The following SAFB variants were observed in gnomAD, a reference collection of about 807,000 sequenced individuals.
The protein encoded by SAFB is scaffold attachment factor B1.
SAFB carries 15 observed loss-of-function variants against 101.6 expected under a neutral mutation model. The observed-to-expected ratio is 0.15, with a 90% CI of 0.10 to 0.23. SAFB has a LOEUF of 0.23. Ranked by LOEUF, SAFB falls within the 10% of genes least tolerant of loss-of-function variation. The pLI is 1.00. For synonymous variants in SAFB, 449 were observed against 407.5 expected (o/e 1.10, Z -1.23); for missense variants, 930 against 1,104.1 (o/e 0.84, Z 2.23).
At chr19:5,661,308 C>T (rs2054196051) in intron 14 of SAFB, among the ~76,000 whole-genome samples, 1 of 151,812 alleles carries the variant, frequency 6.6e-6, no homozygotes, top group Non-Finnish European at 1.5e-5. Flanking sequence ...TCTGATCACA[C>T]ACACACAGCC....
At chr19:5,666,983 A>G in intron 17 of SAFB, 63 bp from the exon 18 acceptor site, 3 of 995,730 alleles carry the variant, frequency 3.0e-6, no homozygotes, top group Non-Finnish European at 4.9e-6. Flanking sequence ...TTGCCTGAAA[A>G]GCCTTGGGGT....
At chr19:5,652,873 T>G (rs1445892641) in intron 9 of SAFB, among the ~76,000 whole-genome samples, 2 of 152,212 alleles carry the variant, frequency 1.3e-5, no homozygotes, top group Non-Finnish European at 2.9e-5. Context: ...CTGTTTGATT[T>G]CCCTTTCGTC....
intron 2 of SAFB, among the ~76,000 whole-genome samples, chr19:5,627,915 T>C (rs559216388): frequency 6.6e-6 from 1 of 152,270 alleles, no homozygotes; most frequent in East Asian, 1.9e-4. Context: ...TCTTTCCCCT[T>C]CAATGGTTTA....
chr19:5,667,710 A>G lies in SAFB; in HGVS notation c.2558-110A>G, dbSNP rs1483825706. 9.8e-7 allele frequency: 1 copy of G among 1,018,476 alleles called. No individual in the cohort carries two copies. Among genetic ancestry groups the G allele is most frequent in the East Asian group, 2.5e-5 (1 of 39,312 alleles). 63.1% of individuals were successfully genotyped at this position (1,018,476 alleles called of 1,614,324 possible). On this transcript the variant is annotated intron_variant, in intron 19 of 20. Coordinates refer to ENST00000588852, the MANE Select transcript of SAFB (RefSeq NM_001201338.2). The surrounding 1 kb of genome is among the most constrained non-coding windows in gnomAD (Gnocchi z 4.0). ...CCCAGGTGTCTTCCTGGGACCCGCTAGTTGTGGGTACCTGGGGGCCTCACC... is the reference window on the plus strand; with the variant it reads ...CCCAGGTGTCTTCCTGGGACCCGCTGGTTGTGGGTACCTGGGGGCCTCACC...
At chr19:5,623,623 C>A (rs1432569766) in intron 1 of SAFB, among the ~76,000 whole-genome samples, 1 of 152,172 alleles carries the variant, frequency 6.6e-6, no homozygotes, top group Non-Finnish European at 1.5e-5. Context: ...ACAAAAACGG[C>A]ACGCGTGCAG....
At chr19:5,657,714 G>T (rs180690454) in intron 14 of SAFB, among the ~76,000 whole-genome samples, 3 of 151,578 alleles carry the variant, frequency 2.0e-5, no homozygotes, top group Non-Finnish European at 2.9e-5. Flanking sequence ...TAGTAGAGAC[G>T]GGGTTTCACC....
At position 5,640,582 on chromosome 19, in the gene SAFB, TTTTTGTTTTG is replaced by T. The variant is rs939442960; in HGVS notation, c.275-997_275-988del. On this transcript the variant is annotated intron_variant, in intron 2 of 20. Coordinates refer to ENST00000588852, the MANE Select transcript of SAFB (RefSeq NM_001201338.2). The stretch of plus-strand genomic sequence containing the variant: ...GTTAAAAAAAAACCTTCCTCTGCAA[TTTTTGTTTTG>T]TTTTGTTTTGTTTTTGAGACAGAGT... 3.3e-5 allele frequency among the ~76,000 whole-genome samples: 5 copies of T among 152,116 alleles called. No homozygotes were observed. The East Asian group carries it at 9.7e-4, about 29-fold the overall frequency.
intron 2 of SAFB, among the ~76,000 whole-genome samples, chr19:5,637,792 G>A (rs2053625992): frequency 6.6e-6 from 1 of 152,202 alleles, no homozygotes; most frequent in African/African-American, 2.4e-5. Context: ...CTTCTATAAG[G>A]AATGCTAGGA....
At chr19:5,660,210 A>G (rs1427443324) in intron 14 of SAFB, among the ~76,000 whole-genome samples, 1 of 152,120 alleles carries the variant, frequency 6.6e-6, no homozygotes, top group Non-Finnish European at 1.5e-5. Flanking sequence ...ATTTCTGCAT[A>G]TAACCCATGT....
chr19:5,623,165 C>G lies in SAFB; in HGVS notation c.-41C>G, dbSNP rs780589814. 1.2e-5 allele frequency: 19 copies of G among 1,546,216 alleles called. No individual in the cohort carries two copies. The highest frequency in any genetic ancestry group is 5.9e-5 in the South Asian group (5 of 84,420). On this transcript the variant is annotated 5_prime_UTR_variant, in exon 1 of 21. Coordinates refer to ENST00000588852, the MANE Select transcript of SAFB (RefSeq NM_001201338.2). Reference sequence around the variant, plus strand: ...TGCTAGGAGCCTGATAAAACCGGCCCGGTTCTGTGGAAAGTGGGCGGCGGA... The same window carrying G: ...TGCTAGGAGCCTGATAAAACCGGCCGGGTTCTGTGGAAAGTGGGCGGCGGA...
intron 14 of SAFB, among the ~76,000 whole-genome samples, 198 bp downstream of exon 14, chr19:5,657,545 G>A (rs2054091574): frequency 6.6e-6 from 1 of 150,784 alleles, no homozygotes; most frequent in Non-Finnish European, 1.5e-5. Flanking sequence ...TTTTCTTTTT[G>A]GAGACAGAGT....
At chr19:5,657,151 C>T (rs958857484) in intron 13 of SAFB, 90 bp from the exon 14 acceptor site, 29 of 849,728 alleles carry the variant, frequency 3.4e-5, no homozygotes, top group African/African-American at 3.1e-4. Context: ...GTGATCCACC[C>T]GCCCTGAACT....
rs2054389216 is a variant in SAFB at position 5,668,470 on chromosome 19, T to A, written c.*179T>A. 1 of 593,758 alleles carries A rather than the reference T, an allele frequency of 1.7e-6. No individual in the cohort carries two copies. Among genetic ancestry groups the A allele is most frequent in the South Asian group, 2.4e-5 (1 of 40,904 alleles). 36.8% of individuals were successfully genotyped at this position (593,758 alleles called of 1,614,324 possible). A position where few individuals can be genotyped will look rare whatever the true frequency, so the allele number is the denominator to read the frequency against. ...TGTAATAAATGTGTTTCCGTTCACATACCCTTTATTTAAAGTGTCATTTCT... is the reference window on the plus strand; with the variant it reads ...TGTAATAAATGTGTTTCCGTTCACAAACCCTTTATTTAAAGTGTCATTTCT... On this transcript the variant is annotated 3_prime_UTR_variant, in exon 21 of 21. Transcript: ENST00000588852.
chr19:5,632,704 T>C (rs1176777890), intron 2 of SAFB, among the ~76,000 whole-genome samples: 1 of 152,200 alleles, frequency 6.6e-6, no homozygotes, highest in Admixed American at 6.5e-5. Context: ...TATACGCTTG[T>C]CAGAAATACA....
At chr19:5,655,665 G>A (rs934252504) in intron 13 of SAFB, among the ~76,000 whole-genome samples, 7 of 152,112 alleles carry the variant, frequency 4.6e-5, no homozygotes, top group Admixed American at 3.9e-4. Flanking sequence ...GCACGGAGGA[G>A]GAACCATTTC....
chr19:5,661,882 G>C, intron 15 of SAFB, 74 bp downstream of exon 15: 1 of 1,023,246 alleles, frequency 9.8e-7, no homozygotes, highest in East Asian at 2.6e-5. Flanking sequence ...CAGTTAGCTT[G>C]AGATTTTTTT....
intron 1 of SAFB, among the ~76,000 whole-genome samples, chr19:5,624,584 G>A (rs2053306220): frequency 6.6e-6 from 1 of 151,786 alleles, no homozygotes; most frequent in Non-Finnish European, 1.5e-5. Flanking sequence ...CCACCCCCCA[G>A]CCCCTGCAGG....
rs776597146 is a variant in SAFB at position 5,667,542 on chromosome 19, G to T, written c.2557+92G>T. 3.3e-6 allele frequency: 3 copies of T among 905,228 alleles called. No individual in the cohort carries two copies. The highest frequency in any genetic ancestry group is 5.1e-6 in the Non-Finnish European group (3 of 587,344). The allele number at this position is 905,228 out of a possible 1,614,324, so 56.1% of individuals were successfully genotyped here. Reference sequence around the variant, plus strand: ...TTCTCTCCTTGGGGGAGCACAGGAGGTGCTCTGCTCTCAGTGCTGGAATGA... The same window carrying T: ...TTCTCTCCTTGGGGGAGCACAGGAGTTGCTCTGCTCTCAGTGCTGGAATGA... On this transcript the variant is annotated intron_variant, in intron 19 of 20. Transcript: ENST00000588852. This position sits in a 1 kb window ranked among gnomAD's most constrained non-coding sequence, Gnocchi z 4.0.
At chr19:5,633,083 C>T (rs528511531) in intron 2 of SAFB, among the ~76,000 whole-genome samples, 3 of 152,348 alleles carry the variant, frequency 2.0e-5, no homozygotes, top group South Asian at 2.1e-4. Context: ...TCCTGCTCAT[C>T]GTCCATTAGT....
Sources: gnomAD v4.1 joint callset for allele counts (sites outside exome capture counted in the v4.1 genomes callset) on GRCh38, gnomAD v4.1.1 for gene constraint, Gnocchi (gnomAD v3.1) non-coding constraint, MANE v1.5 for transcripts, NCBI Gene and HGNC (gene_info 2026-07-23, HGNC 2026-07-21) for gene names.